The following CACHD1 variants were observed in gnomAD, a reference collection of about 807,000 sequenced individuals.
CACHD1 encodes cache domain containing 1, also known as VWFA and cache domain-containing protein 1.
In CACHD1, 71 loss-of-function variants were observed where a neutral mutation model predicts 138.7. The ratio of observed to expected loss-of-function variants is 0.51; its 90% CI spans 0.42 to 0.62. The LOEUF (loss-of-function observed/expected upper bound fraction) is 0.62, where lower values mean the gene tolerates loss of function less well. CACHD1 is among the 20% of genes least tolerant of loss of function. The pLI is 0.00. For synonymous variants in CACHD1, 578 were observed against 591.5 expected (o/e 0.98, Z 0.33); for missense variants, 1,389 against 1,625.3 (o/e 0.85, Z 2.50).
chr1:64,618,051 G>C (rs143613199), intron 4 of CACHD1, among the ~76,000 whole-genome samples: 1 of 148,566 alleles, frequency 6.7e-6, no homozygotes, highest in Admixed American at 6.8e-5. Flanking sequence ...TTGCGCTCCA[G>C]CTTGGGCAAC....
At chr1:64,643,162 G>A (rs1291785467) in intron 8 of CACHD1, among the ~76,000 whole-genome samples, 1 of 151,498 alleles carries the variant, frequency 6.6e-6, no homozygotes, top group Admixed American at 6.6e-5. Flanking sequence ...TGTGGTTCAG[G>A]GACAGTGGGC....
At chr1:64,616,766 G>C (rs1165970845) in intron 4 of CACHD1, among the ~76,000 whole-genome samples, 2 of 152,190 alleles carry the variant, frequency 1.3e-5, no homozygotes, top group Admixed American at 6.5e-5. Context: ...TAGTTAGCCT[G>C]GAAGAAGGAG....
chr1:64,502,209 G>A (rs752221129), intron 1 of CACHD1, among the ~76,000 whole-genome samples: 5 of 152,228 alleles, frequency 3.3e-5, no homozygotes, highest in Non-Finnish European at 7.3e-5. Context: ...CCACAATGGA[G>A]CTGTGAACTT....
intron 6 of CACHD1, among the ~76,000 whole-genome samples, chr1:64,633,022 T>C (rs1014793489): frequency 6.6e-6 from 1 of 152,194 alleles, no homozygotes; most frequent in African/African-American, 2.4e-5. Flanking sequence ...GTTGGCTATC[T>C]CGTAGAATTT....
chr1:64,516,240 T>C (rs1646458374), intron 1 of CACHD1, among the ~76,000 whole-genome samples: 1 of 152,228 alleles, frequency 6.6e-6, no homozygotes, highest in Non-Finnish European at 1.5e-5. Flanking sequence ...GATTCTGCAA[T>C]CAATTATCGC....
chr1:64,691,217 T>A (rs888586037), intron 26 of CACHD1, 106 bp from the exon 27 acceptor site: 4 of 931,116 alleles, frequency 4.3e-6, no homozygotes, highest in Non-Finnish European at 5.2e-6. Flanking sequence ...TGCACCTATG[T>A]ATTGCAAAGA....
At chr1:64,686,810 T>G (rs1467196099) in intron 26 of CACHD1, among the ~76,000 whole-genome samples, 1 of 152,230 alleles carries the variant, frequency 6.6e-6, no homozygotes, top group Non-Finnish European at 1.5e-5. Flanking sequence ...AATTCCAAAA[T>G]ACTTAAAAAG....
intron 4 of CACHD1, among the ~76,000 whole-genome samples, chr1:64,624,106 T>C (rs1380360622): frequency 6.6e-6 from 1 of 152,226 alleles, no homozygotes; most frequent in Admixed American, 6.5e-5. Context: ...AGCACATTGA[T>C]AGATTACTTC....
At chr1:64,502,330 G>A (rs1394621118) in intron 1 of CACHD1, among the ~76,000 whole-genome samples, 4 of 152,174 alleles carry the variant, frequency 2.6e-5, no homozygotes, top group Admixed American at 1.3e-4. Context: ...TTTAGACAGA[G>A]CTGAACATAT....
intron 7 of CACHD1, among the ~76,000 whole-genome samples, chr1:64,640,292 A>G (rs1362999152): frequency 6.6e-6 from 1 of 152,250 alleles, no homozygotes; most frequent in East Asian, 1.9e-4. Flanking sequence ...CCTCAACTAA[A>G]ACACAATAAC....
Position 64,673,177 on chromosome 1 carries a change from AG to A in CACHD1, c.2534del (p.Gly845ValfsTer30). The A allele has an allele frequency of 6.2e-7, 1 of 1,613,312 alleles. No homozygotes were observed. The highest frequency in any genetic ancestry group is 1.1e-5 in the South Asian group (1 of 91,018). ...NKIRCFIMEDRGYLVAHPTLI... is the reference protein window; with the variant it reads ...NKIRCFIMEDXGYLVAHPTLI... ...GTACAGGTGCTTCATAATGGAGGAC[AG>A]GGGTTATCTGGTGGCGCACCCGACT... On this transcript the variant is annotated frameshift_variant, in exon 18 of 27. Transcript: ENST00000651257. LOFTEE classifies it high-confidence loss of function.
intron 2 of CACHD1, among the ~76,000 whole-genome samples, chr1:64,551,610 C>A (rs959194486): frequency 1.3e-5 from 2 of 152,076 alleles, no homozygotes; most frequent in East Asian, 3.9e-4. Context: ...TCTGAGATTC[C>A]GCCATTATTA....
intron 1 of CACHD1, among the ~76,000 whole-genome samples, chr1:64,542,212 A>G (rs1398028939): frequency 6.6e-6 from 1 of 152,236 alleles, no homozygotes; most frequent in African/African-American, 2.4e-5. Context: ...ATCATTATTT[A>G]TAGCAACATT....
At chr1:64,551,113 A>G (rs989999793) in intron 2 of CACHD1, among the ~76,000 whole-genome samples, 2 of 152,226 alleles carry the variant, frequency 1.3e-5, no homozygotes, top group Non-Finnish European at 2.9e-5. Flanking sequence ...TGGGGTTGTG[A>G]GAATTAAATG....
intron 10 of CACHD1, 145 bp from the exon 11 acceptor site, chr1:64,653,612 GT>G (rs1185734462): frequency 2.4e-5 from 16 of 679,278 alleles, no homozygotes; most frequent in Non-Finnish European, 2.4e-5. Context: ...TATAAAACAG[GT>G]TCAGTTTTTA....
intron 16 of CACHD1, among the ~76,000 whole-genome samples, chr1:64,667,144 A>C (rs1388540470): frequency 6.6e-6 from 1 of 152,146 alleles, no homozygotes; most frequent in Non-Finnish European, 1.5e-5. Flanking sequence ...TTTGGTGGGG[A>C]GGCAAGTCAC....
chr1:64,587,757 T>G (rs1647062080), intron 3 of CACHD1, among the ~76,000 whole-genome samples: 1 of 152,186 alleles, frequency 6.6e-6, no homozygotes, highest in Non-Finnish European at 1.5e-5. Context: ...TTGTGTTCCT[T>G]TAGGTGAGGT....
At chr1:64,637,194 A>T (rs1648554907) in intron 7 of CACHD1, among the ~76,000 whole-genome samples, 1 of 152,210 alleles carries the variant, frequency 6.6e-6, no homozygotes, top group Non-Finnish European at 1.5e-5. Context: ...TGATTATTAT[A>T]CTTTTCAAAT....
intron 8 of CACHD1, among the ~76,000 whole-genome samples, chr1:64,646,071 A>C (rs574832541): frequency 6.6e-6 from 1 of 152,322 alleles, no homozygotes; most frequent in East Asian, 1.9e-4. Context: ...CCTCATACTC[A>C]ATCCTCCATA....
Sources: gnomAD v4.1 joint callset for allele counts (sites outside exome capture counted in the v4.1 genomes callset) on GRCh38, gnomAD v4.1.1 for gene constraint, MANE v1.5 for transcripts, NCBI Gene and HGNC (gene_info 2026-07-23, HGNC 2026-07-21) for gene names.